The following ECPAS variants were observed in gnomAD, a reference collection of about 807,000 sequenced individuals.
The protein encoded by ECPAS is Ecm29 proteasome adaptor and scaffold, also known as proteasome adapter and scaffold protein ECM29.
In ECPAS, 70 loss-of-function variants were observed where a neutral mutation model predicts 255.1. The observed-to-expected ratio is 0.27, with a 90% CI of 0.23 to 0.33. The LOEUF (loss-of-function observed/expected upper bound fraction) is 0.33, where lower values mean the gene tolerates loss of function less well. Among genes scored for constraint, ECPAS ranks in the 10% least tolerant of loss-of-function variants. ECPAS has a pLI of 1.00. For missense variants in ECPAS, 1,817 were observed against 2,206.4 expected, an observed-to-expected ratio of 0.82 and a Z score of 3.54; for synonymous variants, 784 against 775.0, an observed-to-expected ratio of 1.01 and a Z score of -0.19.
chr9:111,462,657 C>T (rs552552768), intron 2 of ECPAS, among the ~76,000 whole-genome samples: 1 of 151,710 alleles, frequency 6.6e-6, no homozygotes, highest in African/African-American at 2.4e-5. Flanking sequence ...TGAAACATGT[C>T]ATAGTCCTTT....
intron 3 of ECPAS, among the ~76,000 whole-genome samples, chr9:111,447,532 A>G (rs1382371161): frequency 6.6e-6 from 1 of 152,234 alleles, no homozygotes; most frequent in Admixed American, 6.5e-5. Context: ...ATAAACCAAG[A>G]AAGATTTAAA....
intron 46 of ECPAS, among the ~76,000 whole-genome samples, chr9:111,367,865 T>G: frequency 6.6e-6 from 1 of 151,770 alleles, no homozygotes; most frequent in East Asian, 1.9e-4. Context: ...CTGGGCAACA[T>G]AGCAAGACCT....
chr9:111,472,491 A>T (rs1405301688), intron 2 of ECPAS, among the ~76,000 whole-genome samples: 1 of 151,942 alleles, frequency 6.6e-6, no homozygotes, highest in Non-Finnish European at 1.5e-5. Flanking sequence ...TATAAAAATT[A>T]GCCAGGTGTG....
intron 5 of ECPAS, among the ~76,000 whole-genome samples, 154 bp from the exon 6 acceptor site, chr9:111,440,675 A>T (rs895704217): frequency 6.6e-6 from 1 of 152,244 alleles, no homozygotes; most frequent in African/African-American, 2.4e-5. Flanking sequence ...GTCCTAATCT[A>T]GGGACTGGCC....
chr9:111,475,959 T>G (rs1434515752), intron 1 of ECPAS, among the ~76,000 whole-genome samples: 2 of 152,202 alleles, frequency 1.3e-5, no homozygotes, highest in East Asian at 3.8e-4. Context: ...TATTTCAGTA[T>G]GGTCACAGAA....
At chr9:111,465,868 T>C (rs1308273805) in intron 2 of ECPAS, among the ~76,000 whole-genome samples, 1 of 151,370 alleles carries the variant, frequency 6.6e-6, no homozygotes, top group Non-Finnish European at 1.5e-5. Context: ...ACCCCATCTC[T>C]ACAAAAAATT....
chr9:111,372,393 C>A, intron 42 of ECPAS, 36 bp downstream of exon 42: 1 of 1,573,096 alleles, frequency 6.4e-7, no homozygotes, highest in South Asian at 1.2e-5. Flanking sequence ...GCTGTGATTC[C>A]TAAGAAGCAG....
chr9:111,408,555 G>A lies in ECPAS; in HGVS notation c.2652+16C>T. The A allele has an allele frequency of 2.1e-6, 3 of 1,403,730 alleles. No individual in the cohort carries two copies. Among genetic ancestry groups the A allele is most frequent in the Admixed American group, 2.8e-5 (1 of 35,864 alleles). The allele number at this position is 1,403,730 out of a possible 1,614,324, so 87.0% of individuals were successfully genotyped here. ...TTTTCTCTGAATAACTAACAATCAG[G>A]TAGCAATATAAATACCTCCACAGAA... On this transcript the variant is annotated intron_variant, in intron 24 of 49. Transcript: ENST00000684092.
chr9:111,441,292 T>A (rs1229836490), intron 5 of ECPAS, among the ~76,000 whole-genome samples: 1 of 151,774 alleles, frequency 6.6e-6, no homozygotes, highest in Non-Finnish European at 1.5e-5. Flanking sequence ...TCATCTGAGG[T>A]CAGGAGTTCA....
intron 2 of ECPAS, among the ~76,000 whole-genome samples, chr9:111,457,091 C>A (rs1264398328): frequency 6.6e-6 from 1 of 152,142 alleles, no homozygotes; most frequent in Non-Finnish European, 1.5e-5. Flanking sequence ...GCAAAAAGAT[C>A]ATGCAAGATA....
intron 12 of ECPAS, among the ~76,000 whole-genome samples, chr9:111,423,813 G>T (rs564191424): frequency 1.3e-5 from 2 of 152,322 alleles, no homozygotes; most frequent in African/African-American, 4.8e-5. Context: ...TCAAGATACA[G>T]ATAGAGTTTT....
intron 35 of ECPAS, 67 bp from the exon 36 acceptor site, chr9:111,378,797 C>A: frequency 6.8e-7 from 1 of 1,463,322 alleles, no homozygotes; most frequent in Non-Finnish European, 9.3e-7. Flanking sequence ...CAAATCTAAC[C>A]ATGAGGATGT....
intron 24 of ECPAS, among the ~76,000 whole-genome samples, chr9:111,407,403 GAAAAAAAAAAAAAAAAAAAA>G (rs1161790026): frequency 0.011 from 133 of 12,078 alleles, 8 homozygotes; most frequent in African/African-American, 0.019. Context: ...CTCCATCTCA[GAAAAAAAAAAAAAAAAAAAA>G]AAAAAAAAAA....
intron 24 of ECPAS, among the ~76,000 whole-genome samples, chr9:111,401,875 T>C (rs1204251571): frequency 6.6e-6 from 1 of 152,238 alleles, no homozygotes; most frequent in Non-Finnish European, 1.5e-5. Context: ...TATCTTTCCT[T>C]GTTCCCTGAA....
intron 1 of ECPAS, among the ~76,000 whole-genome samples, chr9:111,479,822 T>C (rs1362666037): frequency 1.3e-5 from 2 of 151,732 alleles, no homozygotes; most frequent in African/African-American, 4.8e-5. Context: ...CTACTAAAAA[T>C]GCAAAAATTA....
chr9:111,475,322 G>A (rs1448806024), intron 1 of ECPAS, among the ~76,000 whole-genome samples: 2 of 152,190 alleles, frequency 1.3e-5, no homozygotes, highest in Non-Finnish European at 2.9e-5. Flanking sequence ...TGAGAACACT[G>A]GCAGTGACTT....
At chr9:111,417,216 G>A (rs2098205182) in intron 17 of ECPAS, among the ~76,000 whole-genome samples, 1 of 151,692 alleles carries the variant, frequency 6.6e-6, no homozygotes, top group Non-Finnish European at 1.5e-5. Context: ...TCTAGCCTGG[G>A]TGACCAGAGC....
Position 111,436,854 on chromosome 9 carries a change from T to C in ECPAS, c.708+86A>G, listed in dbSNP as rs16916111. ...ATTTCACTGGAGAGCCTGAATATAC[T>C]AGAATTATGTTTTATACGGTTCATG... is the stretch of plus-strand genomic sequence containing the variant. On this transcript the variant is annotated intron_variant, in intron 7 of 49. Transcript: ENST00000684092. 0.029 allele frequency: 33,850 copies of C among 1,168,018 alleles called. 974 individuals carry two copies. The highest frequency in any genetic ancestry group is 0.12 in the East Asian group (4,662 of 38,318). The allele number at this position is 1,168,018 out of a possible 1,614,324, so 72.4% of individuals were successfully genotyped here. A position where few individuals can be genotyped will look rare whatever the true frequency, so the allele number is the denominator to read the frequency against.
intron 4 of ECPAS, 129 bp from the exon 5 acceptor site, chr9:111,442,553 C>G: frequency 1.6e-6 from 1 of 629,798 alleles, no homozygotes; most frequent in African/African-American, 1.9e-5. Flanking sequence ...CATCCTCCCT[C>G]CACGTTTATT....
Sources: gnomAD v4.1 joint callset for allele counts (sites outside exome capture counted in the v4.1 genomes callset) on GRCh38, gnomAD v4.1.1 for gene constraint, MANE v1.5 for transcripts, NCBI Gene and HGNC (gene_info 2026-07-23, HGNC 2026-07-21) for gene names.